The following TNFAIP8 variants were observed in gnomAD, a reference collection of about 807,000 sequenced individuals.
TNFAIP8 encodes TNF alpha induced protein 8.
Under a neutral mutation model 13.3 loss-of-function variants are expected in TNFAIP8, and 7 were observed. That is an observed-to-expected ratio of 0.52 (90% CI 0.30 to 0.99). The LOEUF (loss-of-function observed/expected upper bound fraction) is 0.99. Among genes scored for constraint, TNFAIP8 ranks in the 50% least tolerant of loss-of-function variants. The pLI is 0.07. For synonymous variants in TNFAIP8, 94 were observed against 87.6 expected (o/e 1.07, Z -0.41); for missense variants, 258 against 236.9 (o/e 1.09, Z -0.58).
At chr5:119,344,406 A>C (rs771085122) in intron 1 of TNFAIP8, among the ~76,000 whole-genome samples, 1 of 152,170 alleles carries the variant, frequency 6.6e-6, no homozygotes, top group Admixed American at 6.5e-5. Flanking sequence ...CCATGACCCA[A>C]ACACCTCCTA....
At chr5:119,325,200 C>T (rs1050291767) in intron 1 of TNFAIP8, among the ~76,000 whole-genome samples, 4 of 152,216 alleles carry the variant, frequency 2.6e-5, no homozygotes, top group East Asian at 1.9e-4. Flanking sequence ...GTCATAACCC[C>T]GCGCAGTTTC....
intron 1 of TNFAIP8, among the ~76,000 whole-genome samples, chr5:119,278,845 C>T (rs1297404740): frequency 6.6e-6 from 1 of 152,054 alleles, no homozygotes; most frequent in Non-Finnish European, 1.5e-5. Flanking sequence ...CTAGCAGTGA[C>T]TTTTTCTTAT....
chr5:119,322,309 T>G (rs1199655316), intron 1 of TNFAIP8, among the ~76,000 whole-genome samples: 1 of 152,206 alleles, frequency 6.6e-6, no homozygotes, highest in East Asian at 1.9e-4. Context: ...GACCTATACA[T>G]ACTTGTGGCT....
At chr5:119,358,272 G>A (rs914631051) in intron 1 of TNFAIP8, among the ~76,000 whole-genome samples, 6 of 152,116 alleles carry the variant, frequency 3.9e-5, no homozygotes, top group African/African-American at 1.4e-4. Context: ...TGAGAGACTA[G>A]TATACTTTGG....
intron 1 of TNFAIP8, among the ~76,000 whole-genome samples, chr5:119,292,472 GGTAAAAGACA>G (rs1458223057): frequency 6.7e-6 from 1 of 150,174 alleles, no homozygotes; most frequent in African/African-American, 2.4e-5. Context: ...TATTCTGTTG[GGTAAAAGACA>G]GTACAAAACC....
At chr5:119,317,051 A>T (rs1032535717) in intron 1 of TNFAIP8, among the ~76,000 whole-genome samples, 8 of 152,346 alleles carry the variant, frequency 5.3e-5, no homozygotes, top group African/African-American at 1.7e-4. Flanking sequence ...TGAGGAAATA[A>T]TAGCATGTAG....
At chr5:119,309,483 G>A (rs539748661) in intron 1 of TNFAIP8, among the ~76,000 whole-genome samples, 11 of 152,150 alleles carry the variant, frequency 7.2e-5, no homozygotes, top group East Asian at 1.9e-4. Context: ...GCTGTGGCTC[G>A]CTCCAGCACA....
intron 1 of TNFAIP8, among the ~76,000 whole-genome samples, chr5:119,388,645 C>G (rs1256234194): frequency 6.6e-6 from 1 of 151,640 alleles, no homozygotes; most frequent in East Asian, 1.9e-4. Flanking sequence ...CTTTTCTTTT[C>G]TTTTCTTTTC....
At chr5:119,295,451 G>A (rs368365519) in intron 1 of TNFAIP8, among the ~76,000 whole-genome samples, 1,531 of 151,742 alleles carry the variant, frequency 0.01, 16 homozygotes, top group African/African-American at 0.035. Context: ...GATATGCGGC[G>A]TTATTTCTGA....
chr5:119,295,640 A>G (rs1032920938), intron 1 of TNFAIP8, among the ~76,000 whole-genome samples: 6 of 152,104 alleles, frequency 3.9e-5, no homozygotes, highest in Admixed American at 6.5e-5. Context: ...TATGAACTTT[A>G]AAGTAGTTTT....
intron 1 of TNFAIP8, among the ~76,000 whole-genome samples, chr5:119,320,663 C>T (rs1373166302): frequency 6.6e-6 from 1 of 152,128 alleles, no homozygotes; most frequent in Non-Finnish European, 1.5e-5. Flanking sequence ...TCCATCCCGG[C>T]CCCCTTCTTT....
chr5:119,372,696 A>G (rs1040446281), intron 1 of TNFAIP8, among the ~76,000 whole-genome samples: 2 of 152,214 alleles, frequency 1.3e-5, no homozygotes, highest in Non-Finnish European at 2.9e-5. Flanking sequence ...ACTATGGCTC[A>G]TGCCTGTAAT....
chr5:119,303,198 T>A (rs1271691703), intron 1 of TNFAIP8, among the ~76,000 whole-genome samples: 1 of 152,216 alleles, frequency 6.6e-6, no homozygotes, highest in Non-Finnish European at 1.5e-5. Flanking sequence ...AGATAACTTC[T>A]TGGTTTTCCA....
At chr5:119,385,205 G>A (rs901285895) in intron 1 of TNFAIP8, among the ~76,000 whole-genome samples, 7 of 152,208 alleles carry the variant, frequency 4.6e-5, no homozygotes, top group Non-Finnish European at 1.0e-4. Flanking sequence ...AGAAAACTGT[G>A]TTTCAAATAA....
At chr5:119,308,594 A>T (rs933535959) in intron 1 of TNFAIP8, among the ~76,000 whole-genome samples, 1 of 152,040 alleles carries the variant, frequency 6.6e-6, no homozygotes, top group African/African-American at 2.4e-5. Flanking sequence ...GGCTGGGCAC[A>T]GTGGCTCATG....
At chr5:119,351,880 C>G (rs1172208004), upstream of TNFAIP8, among the ~76,000 whole-genome samples, 1 of 151,030 alleles carries the variant, frequency 6.6e-6, no homozygotes, top group Non-Finnish European at 1.5e-5. Flanking sequence ...ACCTCCACCT[C>G]CTGGGTTCAA....
chr5:119,270,006 T>G (rs142561478), intron 1 of TNFAIP8, among the ~76,000 whole-genome samples: 1,797 of 152,378 alleles, frequency 0.012, 16 homozygotes, highest in Middle Eastern at 0.037. Flanking sequence ...TTTCTTGCTA[T>G]GAAAGTAAAA....
intron 1 of TNFAIP8, among the ~76,000 whole-genome samples, chr5:119,369,791 C>T (rs566026610): frequency 1.3e-5 from 2 of 152,304 alleles, no homozygotes; most frequent in East Asian, 3.9e-4. Context: ...TTCTTGCTGG[C>T]TCCCTTCGAG....
chr5:119,326,808 G>A (rs148516086), intron 1 of TNFAIP8, among the ~76,000 whole-genome samples: 1 of 152,170 alleles, frequency 6.6e-6, no homozygotes, highest in African/African-American at 2.4e-5. Flanking sequence ...TGGGACCCAC[G>A]ATGACACTGA....
Sources: gnomAD v4.1 joint callset for allele counts (sites outside exome capture counted in the v4.1 genomes callset) on GRCh38, gnomAD v4.1.1 for gene constraint, MANE v1.5 for transcripts, NCBI Gene and HGNC (gene_info 2026-07-23, HGNC 2026-07-21) for gene names.